Variants in BCKDHA observed in about 807,000 individuals in gnomAD.
BCKDHA encodes the protein branched chain keto acid dehydrogenase E1 subunit alpha.
Under a neutral mutation model 52.2 loss-of-function variants are expected in BCKDHA, and 43 were observed. The ratio of observed to expected loss-of-function variants is 0.82; its 90% CI spans 0.64 to 1.06. The LOEUF is 1.06. Among genes scored for constraint, BCKDHA ranks in the 50% least tolerant of loss-of-function variants. BCKDHA has a pLI of 0.00. For missense variants in BCKDHA, 527 were observed against 621.3 expected (o/e 0.85, Z 1.61); for synonymous variants, 234 against 247.9 (o/e 0.94, Z 0.53).
rs1424798528 is a variant in BCKDHA, at chr19:41,423,240, G to C, written c.1167+71G>C. ...CTGCAGAGCTTGGGAAGGATTTGTG[G>C]AACACCGAACTGGGAGGCTCAGGGA... On this transcript the variant is annotated intron_variant, in intron 8 of 8. Coordinates refer to ENST00000269980, the MANE Select transcript of BCKDHA (RefSeq NM_000709.4). 4.5e-6 allele frequency: 7 copies of C among 1,541,276 alleles called. No individual in the cohort carries two copies. In the East Asian group the frequency reaches 7.3e-5, roughly 16 times the overall value.
intron 4 of BCKDHA, chr19:41,418,705 A>ATTT (rs745426524): frequency 1.5e-4 from 62 of 406,954 alleles, no homozygotes; most frequent in Middle Eastern, 7.8e-4. Flanking sequence ...TAATGTTTTG[A>ATTT]TTTTTTTTTT....
At chr19:41,402,912 GT>G (rs199925357) in intron 1 of BCKDHA, among the ~76,000 whole-genome samples, 1,574 of 150,232 alleles carry the variant, frequency 0.01, 32 homozygotes, top group African/African-American at 0.038. Flanking sequence ...AAGTGCTGGG[GT>G]TACAGGCGTG....
chr19:41,401,789 G>A (rs1285464054), intron 1 of BCKDHA, among the ~76,000 whole-genome samples: 1 of 152,178 alleles, frequency 6.6e-6, no homozygotes, highest in Admixed American at 6.5e-5. Flanking sequence ...TGGAAGTCAG[G>A]AAGCCCCTGG....
At chr19:41,412,844 C>T (rs933601095) in intron 3 of BCKDHA, among the ~76,000 whole-genome samples, 3 of 152,094 alleles carry the variant, frequency 2.0e-5, no homozygotes, top group Non-Finnish European at 4.4e-5. Context: ...GCTGGGATTA[C>T]AGGCGCCCAC....
intron 1 of BCKDHA, among the ~76,000 whole-genome samples, chr19:41,404,956 T>C (rs2039177439): frequency 6.6e-6 from 1 of 152,176 alleles, no homozygotes; most frequent in Non-Finnish European, 1.5e-5. Context: ...ACTTTTTTGT[T>C]TTTTTAGGCT....
intron 3 of BCKDHA, 48 bp downstream of exon 3, chr19:41,411,057 C>G: frequency 6.3e-7 from 1 of 1,591,842 alleles, no homozygotes; most frequent in Non-Finnish European, 8.6e-7. Flanking sequence ...TACCTGAGGT[C>G]CCCTACCTGT....
Position 41,421,110 on chromosome 19 carries a change from G to T in BCKDHA, c.647-1054G>T, listed in dbSNP as rs2288870. Among the ~76,000 whole-genome samples the T allele has an allele frequency of 1.1e-4, 17 of 152,252 alleles. No homozygotes were observed. In the East Asian group the frequency reaches 3.1e-3, roughly 28 times the overall value. ...CAGGGAAGCTTTCTCAGAGGAGGGG[G>T]CATTTAGGGGGCATTTGAGCTAAAG... On this transcript the variant is annotated intron_variant, in intron 5 of 8. Transcript: ENST00000269980.
At chr19:41,420,021 C>T (rs1379724112) in intron 5 of BCKDHA, among the ~76,000 whole-genome samples, 1 of 152,160 alleles carries the variant, frequency 6.6e-6, no homozygotes, top group Non-Finnish European at 1.5e-5. Flanking sequence ...CCCACCTTGG[C>T]CTCTCAAAGT....
chr19:41,422,131 C>T (rs770218817), intron 5 of BCKDHA, 33 bp from the exon 6 acceptor site: 18 of 1,597,100 alleles, frequency 1.1e-5, no homozygotes, highest in South Asian at 3.3e-5. Context: ...TGTGAGTCTC[C>T]GCCCCTGCTC....
At chr19:41,408,058 C>T (rs560316771) in intron 1 of BCKDHA, among the ~76,000 whole-genome samples, 1 of 151,206 alleles carries the variant, frequency 6.6e-6, no homozygotes, top group East Asian at 2.0e-4. Flanking sequence ...CAGGTTCAAG[C>T]AGTCCTCCTG....
At chr19:41,404,514 C>T (rs1031534408) in intron 1 of BCKDHA, among the ~76,000 whole-genome samples, 10 of 151,814 alleles carry the variant, frequency 6.6e-5, no homozygotes, top group African/African-American at 2.4e-4. Context: ...TGGTCTCGAT[C>T]TCCCGACCTC....
chr19:41,397,996 C>A, intron 1 of BCKDHA, 61 bp downstream of exon 1: 1 of 1,421,900 alleles, frequency 7.0e-7, no homozygotes, highest in Non-Finnish European at 9.9e-7. Context: ...AGGCTATCTT[C>A]AGAGTGTGGG....
In BCKDHA at chr19:41,423,034, G is replaced by T. The variant is rs376446100; in HGVS notation, c.1032G>T (p.Ala344=). ...GHHSTSDDSS[A]YRSVDEVNYW... is the part of the protein sequence containing the mutation. ...ACAGCACCAGTGACGACAGTTCAGC[G>T]TACCGCTCGGTGGATGAGGTCAATT... Residue 344 remains alanine, a synonymous_variant, in exon 8 of 9, where the codon GCG becomes GCT. Transcript: ENST00000269980. 1.2e-6 allele frequency: 2 copies of T among 1,607,390 alleles called. No homozygotes were observed. The highest frequency in any genetic ancestry group is 4.5e-5 in the East Asian group (2 of 44,602).
chr19:41,413,429 T>C (rs1335129975), intron 3 of BCKDHA, among the ~76,000 whole-genome samples: 1 of 152,036 alleles, frequency 6.6e-6, no homozygotes, highest in African/African-American at 2.4e-5. Flanking sequence ...CCGACTCAGC[T>C]TCCTCAGACA....
At chr19:41,413,726 C>G (rs1256383115) in intron 3 of BCKDHA, among the ~76,000 whole-genome samples, 1 of 152,200 alleles carries the variant, frequency 6.6e-6, no homozygotes, top group East Asian at 1.9e-4. Context: ...CCCAGCCCTT[C>G]TGGCCTCATG....
At chr19:41,413,012 GATAC>G (rs1223845050) in intron 3 of BCKDHA, among the ~76,000 whole-genome samples, 3 of 152,184 alleles carry the variant, frequency 2.0e-5, no homozygotes, top group East Asian at 3.9e-4. Flanking sequence ...CCTGTCTGTA[GATAC>G]ATCTTTAGGA....
At chr19:41,413,038 G>T (rs1378071348) in intron 3 of BCKDHA, among the ~76,000 whole-genome samples, 1 of 152,162 alleles carries the variant, frequency 6.6e-6, no homozygotes. Flanking sequence ...GTGCTCAGCT[G>T]CTCAGCAGCA....
At position 41,422,274 on chromosome 19, in the gene BCKDHA, G is replaced by A. The variant is rs199599175; in HGVS notation, c.757G>A (p.Ala253Thr). 5.0e-6 allele frequency: 8 copies of A among 1,614,164 alleles called. No individual in the cohort carries two copies. Among genetic ancestry groups the A allele is most frequent in the East Asian group, 2.2e-5 (1 of 44,882 alleles). ...EGDAHAGFNF[A>T]ATLECPIIFF... is the part of the protein sequence containing the mutation. ...GGACGCCCATGCCGGCTTCAACTTC[G>A]CTGCCACACTTGAGTGCCCCATCAT... Residue 253 changes from alanine (A) to threonine (T), a missense_variant, in exon 6 of 9, where the codon GCT (alanine) becomes ACT (threonine). Transcript: ENST00000269980.
chr19:41,398,285 TG>T (rs2039099148), intron 1 of BCKDHA, among the ~76,000 whole-genome samples: 2 of 152,224 alleles, frequency 1.3e-5, no homozygotes, highest in South Asian at 4.1e-4. Flanking sequence ...CCTCAGGGTT[TG>T]GAGAATGAAA....
Sources: gnomAD v4.1 joint callset for allele counts (sites outside exome capture counted in the v4.1 genomes callset) on GRCh38, gnomAD v4.1.1 for gene constraint, MANE v1.5 for transcripts, NCBI Gene and HGNC (gene_info 2026-07-23, HGNC 2026-07-21) for gene names.